The following GAS7 variants were observed in gnomAD, a reference collection of about 807,000 sequenced individuals.
GAS7 encodes growth arrest-specific protein 7.
GAS7 carries 28 observed loss-of-function variants against 71.1 expected under a neutral mutation model. That is an observed-to-expected ratio of 0.39 (90% CI 0.29 to 0.54). The LOEUF (loss-of-function observed/expected upper bound fraction) is 0.54, where lower values mean the gene tolerates loss of function less well. GAS7 is among the 20% of genes least tolerant of loss of function. The probability of loss-of-function intolerance (pLI) is 0.62; values close to 1 mark genes in which losing one functional copy is unlikely to be tolerated. For missense variants in GAS7, 436 were observed against 627.8 expected, an observed-to-expected ratio of 0.69 and a Z score of 3.27; for synonymous variants, 258 against 245.8, an observed-to-expected ratio of 1.05 and a Z score of -0.46.
At chr17:10,008,504 G>T (rs1372316923) in intron 2 of GAS7, among the ~76,000 whole-genome samples, 1 of 152,190 alleles carries the variant, frequency 6.6e-6, no homozygotes, top group Non-Finnish European at 1.5e-5. Flanking sequence ...CTTCATACTA[G>T]CAGTGTGACT....
At chr17:10,042,264 C>T (rs59010985) in intron 1 of GAS7, among the ~76,000 whole-genome samples, 21,338 of 145,944 alleles carry the variant, frequency 0.15, 1,616 homozygotes, top group Middle Eastern at 0.22. Flanking sequence ...CACCGCACTC[C>T]GGCCTGGGTG....
intron 2 of GAS7, among the ~76,000 whole-genome samples, chr17:10,005,346 CAT>C (rs1262053122): frequency 0.014 from 2,041 of 149,678 alleles, 52 homozygotes; most frequent in African/African-American, 0.045. Flanking sequence ...CACACACACA[CAT>C]ATATATATAT....
intron 1 of GAS7, among the ~76,000 whole-genome samples, chr17:10,110,200 G>A (rs2073797863): frequency 6.6e-6 from 1 of 152,138 alleles, no homozygotes; most frequent in South Asian, 2.1e-4. Context: ...TATACACCGT[G>A]GAATTCTATT....
intron 1 of GAS7, among the ~76,000 whole-genome samples, chr17:10,148,537 G>A (rs76657383): frequency 0.038 from 5,648 of 149,986 alleles, 349 homozygotes; most frequent in East Asian, 0.27. Flanking sequence ...AGAATTACTC[G>A]AACCCGGGAG....
At chr17:10,196,703 C>T (rs1046498764) in intron 1 of GAS7, among the ~76,000 whole-genome samples, 5 of 152,210 alleles carry the variant, frequency 3.3e-5, no homozygotes, top group Non-Finnish European at 5.9e-5. Context: ...CATCCATCAG[C>T]CAAATTTCCA....
intron 1 of GAS7, among the ~76,000 whole-genome samples, chr17:10,095,486 T>C (rs1008768894): frequency 2.0e-5 from 3 of 152,040 alleles, no homozygotes; most frequent in African/African-American, 7.2e-5. Flanking sequence ...TTATAGACAA[T>C]AAAATTCATC....
intron 1 of GAS7, among the ~76,000 whole-genome samples, chr17:10,189,278 C>A (rs530665573): frequency 6.6e-6 from 1 of 152,258 alleles, no homozygotes; most frequent in African/African-American, 2.4e-5. Context: ...CATTCCAAAT[C>A]CACACACCTC....
chr17:10,027,878 G>GT (rs1171059679), intron 1 of GAS7, among the ~76,000 whole-genome samples: 1 of 152,112 alleles, frequency 6.6e-6, no homozygotes, highest in Non-Finnish European at 1.5e-5. Flanking sequence ...AAAAATAAAG[G>GT]TTTTTTGTTT....
intron 4 of GAS7, among the ~76,000 whole-genome samples, chr17:9,964,505 T>G (rs754342745): frequency 6.6e-6 from 1 of 152,192 alleles, no homozygotes; most frequent in East Asian, 1.9e-4. Flanking sequence ...TGGGTCTCTA[T>G]GCGTAAACAC....
At chr17:9,945,109 G>C (rs943146981) in intron 6 of GAS7, among the ~76,000 whole-genome samples, 2 of 151,988 alleles carry the variant, frequency 1.3e-5, no homozygotes, top group Non-Finnish European at 2.9e-5. Context: ...GACCCCACAC[G>C]CTGACCTCCA....
intron 1 of GAS7, among the ~76,000 whole-genome samples, chr17:10,138,459 T>C (rs1055027070): frequency 6.6e-6 from 1 of 151,988 alleles, no homozygotes; most frequent in Admixed American, 6.6e-5. Context: ...CAGGTCAAAT[T>C]TGAAATTAAA....
intron 1 of GAS7, among the ~76,000 whole-genome samples, chr17:10,150,591 CTTTT>C (rs3051271): frequency 8.4e-6 from 1 of 118,952 alleles, no homozygotes; most frequent in African/African-American, 3.4e-5. Context: ...TGTTACATTT[CTTTT>C]TTTTTTTTTT....
At chr17:10,171,118 A>G (rs151007747) in intron 1 of GAS7, among the ~76,000 whole-genome samples, 4 of 152,334 alleles carry the variant, frequency 2.6e-5, no homozygotes, top group Non-Finnish European at 5.9e-5. Flanking sequence ...AGTTCCATTC[A>G]TGGAAAATCC....
chr17:10,166,761 A>T (rs2074296942), intron 1 of GAS7, among the ~76,000 whole-genome samples: 2 of 152,236 alleles, frequency 1.3e-5, no homozygotes. Flanking sequence ...GATAAAAACA[A>T]TTTCAAGCAC....
chr17:9,927,979 G>C (rs1382466477), intron 9 of GAS7, among the ~76,000 whole-genome samples: 3 of 151,976 alleles, frequency 2.0e-5, no homozygotes, highest in African/African-American at 7.3e-5. Context: ...AGAAGAGCTG[G>C]GTGGCATCAG....
chr17:10,036,590 G>A, intron 1 of GAS7: 2 of 1,499,964 alleles, frequency 1.3e-6, no homozygotes, highest in East Asian at 2.4e-5. Context: ...CTAGCCCAGG[G>A]CCAGTGTTCT....
At chr17:10,193,936 G>A (rs2074521119) in intron 1 of GAS7, among the ~76,000 whole-genome samples, 1 of 152,060 alleles carries the variant, frequency 6.6e-6, no homozygotes, top group African/African-American at 2.4e-5. Context: ...TTGTTACATG[G>A]CAATAGATAA....
At chr17:10,016,456 G>C (rs2152199751) in intron 2 of GAS7, among the ~76,000 whole-genome samples, 1 of 150,136 alleles carries the variant, frequency 6.7e-6, no homozygotes, top group East Asian at 2.0e-4. Context: ...GTAAGACCAA[G>C]GTAGGTGCTG....
At chr17:9,928,095 C>CATTT (rs60574999) in intron 9 of GAS7, among the ~76,000 whole-genome samples, 2,557 of 151,586 alleles carry the variant, frequency 0.017, 99 homozygotes, top group Admixed American at 0.075. Flanking sequence ...GTGAGCATAA[C>CATTT]ATTTATTTAT....
Sources: allele counts gnomAD v4.1 joint callset (sites outside exome capture counted in the v4.1 genomes callset), GRCh38; gene constraint gnomAD v4.1.1; transcripts MANE v1.5; gene names NCBI Gene and HGNC (gene_info 2026-07-23, HGNC 2026-07-21).